PLCB4: variants seen among roughly 807,000 people sequenced by gnomAD.
The protein encoded by PLCB4 is phospholipase C beta 4, also known as 1-phosphatidylinositol 4,5-bisphosphate phosphodiesterase beta-4.
PLCB4 carries 77 observed loss-of-function variants against 178.8 expected under a neutral mutation model. The observed-to-expected ratio is 0.43, with a 90% confidence interval of 0.36 to 0.52. PLCB4 has a LOEUF of 0.52. Among genes scored for constraint, PLCB4 ranks in the 20% least tolerant of loss-of-function variants. The pLI, the probability that PLCB4 is intolerant of heterozygous loss-of-function variation, is 0.00. For missense variants in PLCB4, 1,024 were observed against 1,453.4 expected, an observed-to-expected ratio of 0.70 and a Z score of 4.80; for synonymous variants, 496 against 490.8, an observed-to-expected ratio of 1.01 and a Z score of -0.14.
chr20:9,362,963 G>T lies in PLCB4; in HGVS notation c.437G>T (p.Cys146Phe). 6.2e-7 allele frequency: 1 copy of T among 1,608,974 alleles called. No homozygotes were observed. The highest frequency in any genetic ancestry group is 8.5e-7 in the Non-Finnish European group (1 of 1,175,480). The change falls in exon 8 of 40, where the codon TGC becomes TTC. Residue 146 changes from cysteine to phenylalanine, a missense_variant. Transcript: ENST00000378473. ...GCCAACAACGTCAGTCCAATGACAT[G>T]CCTCAAGAAACAGTGAGTGTTGTTT... ...FRANNVSPMT[C>F]LKKHWMKLAF...
Position 9,426,046 on chromosome 20 carries a change from C to G in PLCB4, c.2524+2094C>G, listed in dbSNP as rs7263740. 6.1e-3 allele frequency among the ~76,000 whole-genome samples: 924 copies of G among 152,028 alleles called. 4 individuals carry two copies. Among genetic ancestry groups the G allele is most frequent in the African/African-American group, 0.014 (561 of 41,448 alleles). On this transcript the variant is annotated intron_variant, in intron 28 of 39. Coordinates refer to ENST00000378473, the MANE Select transcript of PLCB4 (RefSeq NM_001377142.1). ...CTGTGTTCCCTGGAGTATTGATATT[C>G]CCTCTTCATTCCACAGGAACAAGTT...
intron 1 of PLCB4, among the ~76,000 whole-genome samples, chr20:9,081,260 A>G (rs1174037644): frequency 6.6e-6 from 1 of 152,240 alleles, no homozygotes; most frequent in African/African-American, 2.4e-5. Flanking sequence ...AAATCTTATT[A>G]TAGCATTACC....
intron 30 of PLCB4, among the ~76,000 whole-genome samples, chr20:9,442,701 G>C (rs1813049719): frequency 6.6e-6 from 1 of 152,044 alleles, no homozygotes; most frequent in South Asian, 2.1e-4. Context: ...TCACTCCCTT[G>C]CCTTACCCTG....
chr20:9,357,870 C>T (rs1483084658), intron 7 of PLCB4, among the ~76,000 whole-genome samples: 2 of 152,196 alleles, frequency 1.3e-5, no homozygotes, highest in Non-Finnish European at 2.9e-5. Flanking sequence ...AAACTCACAT[C>T]TTATATGGGC....
At chr20:9,206,843 G>A (rs2093620712) in intron 2 of PLCB4, among the ~76,000 whole-genome samples, 1 of 152,180 alleles carries the variant, frequency 6.6e-6, no homozygotes, top group South Asian at 2.1e-4. Context: ...AGCATGAGAT[G>A]TTCTAACAAA....
chr20:9,446,470 C>CA (rs1469174987), intron 32 of PLCB4, among the ~76,000 whole-genome samples: 1 of 152,228 alleles, frequency 6.6e-6, no homozygotes, highest in East Asian at 1.9e-4. Context: ...TAACCTACAT[C>CA]AGAGTTGTCC....
chr20:9,413,293 T>G (rs1310108981), intron 25 of PLCB4, among the ~76,000 whole-genome samples: 1 of 152,112 alleles, frequency 6.6e-6, no homozygotes, highest in African/African-American at 2.4e-5. Flanking sequence ...CCTGGCCGGA[T>G]GCAGGGAGTA....
At chr20:9,344,717 T>A (rs1368502909) in intron 7 of PLCB4, among the ~76,000 whole-genome samples, 2 of 152,204 alleles carry the variant, frequency 1.3e-5, no homozygotes, top group Non-Finnish European at 2.9e-5. Flanking sequence ...GTGTTATTTT[T>A]AGAGCCACAT....
chr20:9,136,651 G>A (rs2092389816), intron 2 of PLCB4, among the ~76,000 whole-genome samples: 1 of 152,070 alleles, frequency 6.6e-6, no homozygotes, highest in Non-Finnish European at 1.5e-5. Context: ...ACTTCTGTGT[G>A]CACTCAGAAA....
intron 1 of PLCB4, among the ~76,000 whole-genome samples, chr20:9,078,343 C>CTTTTG (rs1555811091): frequency 7.0e-5 from 3 of 43,002 alleles, no homozygotes; most frequent in African/African-American, 3.3e-4. Flanking sequence ...ACTATACCTT[C>CTTTTG]TTTTCTTTTC....
At chr20:9,386,000 C>G (rs191013568) in intron 14 of PLCB4, among the ~76,000 whole-genome samples, 1 of 152,236 alleles carries the variant, frequency 6.6e-6, no homozygotes, top group Non-Finnish European at 1.5e-5. Context: ...CGTCTGCAAT[C>G]CCAGCACCCC....
At chr20:9,397,972 G>T (rs899925721) in intron 19 of PLCB4, among the ~76,000 whole-genome samples, 1 of 152,118 alleles carries the variant, frequency 6.6e-6, no homozygotes. Flanking sequence ...GGGTTATCCC[G>T]GACGGCTTAC....
intron 4 of PLCB4, among the ~76,000 whole-genome samples, chr20:9,318,438 C>A (rs536347732): frequency 5.3e-5 from 8 of 152,122 alleles, no homozygotes; most frequent in Admixed American, 1.3e-4. Flanking sequence ...CAAAAAAAAC[C>A]TGAAAAGATA....
At chr20:9,314,118 CT>C (rs2094870420) in intron 4 of PLCB4, among the ~76,000 whole-genome samples, 5 of 152,168 alleles carry the variant, frequency 3.3e-5, no homozygotes, top group Admixed American at 6.5e-5. Context: ...GATTATTCAG[CT>C]AGGGCAGAGG....
At chr20:9,183,619 A>G (rs1223215255) in intron 2 of PLCB4, among the ~76,000 whole-genome samples, 1 of 152,204 alleles carries the variant, frequency 6.6e-6, no homozygotes, top group Non-Finnish European at 1.5e-5. Context: ...TTGTAGTTAT[A>G]ATTAGTGATA....
intron 3 of PLCB4, among the ~76,000 whole-genome samples, chr20:9,218,198 C>T (rs965282764): frequency 1.8e-4 from 27 of 152,158 alleles, no homozygotes; most frequent in Admixed American, 4.6e-4. Flanking sequence ...GCAACCTCTG[C>T]CTCCTGGGTT....
chr20:9,162,728 C>T (rs1490103581), intron 2 of PLCB4, among the ~76,000 whole-genome samples: 1 of 151,734 alleles, frequency 6.6e-6, no homozygotes, highest in African/African-American at 2.4e-5. Context: ...TGGTAATAAA[C>T]TATTGTAAAT....
chr20:9,080,791 C>A (rs902132856), intron 1 of PLCB4, among the ~76,000 whole-genome samples: 1 of 152,186 alleles, frequency 6.6e-6, no homozygotes, highest in Admixed American at 6.5e-5. Context: ...ATCCTGTTGT[C>A]TGCTGGAGAT....
intron 19 of PLCB4, among the ~76,000 whole-genome samples, chr20:9,396,718 C>CA (rs1271392988): frequency 2.0e-5 from 3 of 151,960 alleles, no homozygotes; most frequent in African/African-American, 7.3e-5. Context: ...GTAAATATTG[C>CA]AAAAAAATTA....
Sources: gnomAD v4.1 joint callset for allele counts (sites outside exome capture counted in the v4.1 genomes callset) on GRCh38, gnomAD v4.1.1 for gene constraint, MANE v1.5 for transcripts, NCBI Gene and HGNC (gene_info 2026-07-23, HGNC 2026-07-21) for gene names.